GRIP2: variants seen among roughly 807,000 people sequenced by gnomAD.
GRIP2 encodes the protein glutamate receptor interacting protein 2.
A neutral mutation model predicts 108.3 loss-of-function variants in GRIP2; 58 were observed. The ratio of observed to expected loss-of-function variants is 0.54; its 90% CI spans 0.43 to 0.67. GRIP2 has a LOEUF of 0.67. Among genes scored for constraint, GRIP2 ranks in the 30% least tolerant of loss-of-function variants. The pLI is 0.00. For missense variants in GRIP2, 1,278 were observed against 1,430.6 expected, an observed-to-expected ratio of 0.89 and a Z score of 1.72; for synonymous variants, 586 against 598.2, an observed-to-expected ratio of 0.98 and a Z score of 0.30.
At chr3:14,495,080 C>CG in intron 22 of GRIP2, 91 bp from the exon 23 acceptor site, 1 of 1,507,074 alleles carries the variant, frequency 6.6e-7, no homozygotes, top group Non-Finnish European at 9.0e-7. Flanking sequence ...TGGCATTCAG[C>CG]GCCTCTGGCC....
chr3:14,563,973 C>T, the GRIP2 span, among the ~76,000 whole-genome samples: 1 of 152,182 alleles, frequency 6.6e-6, no homozygotes, highest in African/African-American at 2.4e-5. Flanking sequence ...TCCACCCTTA[C>T]CCATCTTCTG....
chr3:14,574,098 G>A, the GRIP2 span: 5 of 1,186,310 alleles, frequency 4.2e-6, no homozygotes, highest in South Asian at 2.4e-5. Flanking sequence ...CCACAGAATC[G>A]AGTCCATCGT....
intron 1 of GRIP2, among the ~76,000 whole-genome samples, chr3:14,534,618 A>C (rs1694790408): frequency 6.6e-6 from 1 of 151,974 alleles, no homozygotes; most frequent in Admixed American, 6.5e-5. Context: ...GCTTCAGAGG[A>C]AAATTCATTT....
upstream of GRIP2, chr3:14,540,377 TC>T: frequency 6.2e-7 from 1 of 1,610,286 alleles, no homozygotes; most frequent in Non-Finnish European, 8.5e-7. The surrounding 1 kb of genome is among the most constrained non-coding windows in gnomAD (Gnocchi z 4.1). Context: ...CTCCCTCCCC[TC>T]CCCAGGGAGG....
intron 5 of GRIP2, 61 bp downstream of exon 5, chr3:14,523,551 A>T: frequency 9.5e-7 from 1 of 1,051,192 alleles, no homozygotes; most frequent in Non-Finnish European, 1.5e-6. Flanking sequence ...CAGCACACAC[A>T]TGGAATTAGT....
the GRIP2 span, among the ~76,000 whole-genome samples, chr3:14,586,187 G>A: frequency 3.0e-4 from 45 of 152,234 alleles, no homozygotes; most frequent in Admixed American, 5.9e-4. Flanking sequence ...ACCTCCTCTA[G>A]AAGGCCCTCC....
At chr3:14,495,981 A>G (rs541397349) in intron 22 of GRIP2, among the ~76,000 whole-genome samples, 2 of 152,054 alleles carry the variant, frequency 1.3e-5, no homozygotes, top group African/African-American at 4.8e-5. Flanking sequence ...CCCTGTCTCT[A>G]AAAAAATACA....
chr3:14,496,536 G>A lies in GRIP2; in HGVS notation c.2704C>T (p.Gln902Ter). ...GGCCTGCCCTCGAGGGCCACCCTCT[G>A]CACGGTGCCCGTCATGATGGATGCC... is the stretch of plus-strand genomic sequence containing the variant. ...LEASIMTGTV[Q>*]RVALEGRPGH... The change falls in exon 22 of 24, where the codon CAG becomes TAG. Residue 902 changes from glutamine to a stop codon, truncating the protein, a stop_gained. Coordinates refer to ENST00000621039, the MANE Select transcript of GRIP2 (RefSeq NM_001080423.4). LOFTEE classifies it high-confidence loss of function. 6.2e-7 allele frequency: 1 copy of A among 1,610,468 alleles called. No individual in the cohort carries two copies. The highest frequency in any genetic ancestry group is 8.5e-7 in the Non-Finnish European group (1 of 1,178,246).
chr3:14,499,864 C>T (rs954920052), intron 21 of GRIP2, among the ~76,000 whole-genome samples: 6 of 152,064 alleles, frequency 3.9e-5, no homozygotes, highest in Non-Finnish European at 8.8e-5. Flanking sequence ...AATACACTAA[C>T]GTTAACAATA....
At chr3:14,574,830 T>C in the GRIP2 span, 7,624 of 334,522 alleles carry the variant, frequency 0.023, 554 homozygotes, top group African/African-American at 0.15. Context: ...AAAAAGAATG[T>C]GCAACATACA....
At chr3:14,584,039 G>A in the GRIP2 span, among the ~76,000 whole-genome samples, 1 of 152,324 alleles carries the variant, frequency 6.6e-6, no homozygotes, top group South Asian at 2.1e-4. Flanking sequence ...CAGCAACCCT[G>A]AAAGGTGGGC....
Position 14,520,426 on chromosome 3 carries a change from G to C in GRIP2, c.824C>G (p.Thr275Ser), listed in dbSNP as rs1220586686. ...TTSLRNKSVI[T>S]IDRIKPASVV... Reference sequence around the variant, plus strand: ...GCTGGCTGGCTTGATGCGGTCGATGGTAATGACTGACTTGTTCCGGAGGGA... The same window carrying C: ...GCTGGCTGGCTTGATGCGGTCGATGCTAATGACTGACTTGTTCCGGAGGGA... Residue 275 changes from threonine (T) to serine (S), a missense_variant, in exon 8 of 24, where the codon ACC becomes AGC. Transcript: ENST00000621039. 1.9e-6 allele frequency: 3 copies of C among 1,613,418 alleles called. No individual in the cohort carries two copies.
intron 17 of GRIP2, among the ~76,000 whole-genome samples, chr3:14,508,250 G>C (rs996165133): frequency 6.6e-6 from 1 of 152,228 alleles, no homozygotes; most frequent in African/African-American, 2.4e-5. Context: ...GGTGATGCCA[G>C]GCGGCAGCAC....
At chr3:14,595,582 TCA>T in the GRIP2 span, among the ~76,000 whole-genome samples, 1 of 152,222 alleles carries the variant, frequency 6.6e-6, no homozygotes, top group African/African-American at 2.4e-5. Context: ...CGGGGATCAC[TCA>T]CAGAGTTGGG....
chr3:14,569,502 A>G, the GRIP2 span, among the ~76,000 whole-genome samples: 41,923 of 152,114 alleles, frequency 0.28, 6,253 homozygotes, highest in Middle Eastern at 0.36. Context: ...GGATTGCCAG[A>G]GCCCTGCTGG....
intron 21 of GRIP2, among the ~76,000 whole-genome samples, chr3:14,498,526 C>T (rs1318018853): frequency 1.3e-5 from 2 of 151,956 alleles, no homozygotes; most frequent in Non-Finnish European, 2.9e-5. Flanking sequence ...GATAGGAAAC[C>T]GAGGGAGGAT....
At position 14,495,214 on chromosome 3, in the gene GRIP2, G is replaced by A. The variant is rs201504902; in HGVS notation, c.2824-225C>T. Among the ~76,000 whole-genome samples the A allele has an allele frequency of 9.3e-5, 14 of 151,170 alleles. No individual in the cohort carries two copies. The East Asian group carries it at 2.6e-3, about 28-fold the overall frequency. ...CCAGGCCACAACACTCAAGTACGAC[G>A]GAGCCCTTAGGAGTGACTTCCTTTC... On this transcript the variant is annotated intron_variant, in intron 22 of 23. Transcript: ENST00000621039.
At chr3:14,597,707 A>G in the GRIP2 span, among the ~76,000 whole-genome samples, 55 of 151,742 alleles carry the variant, frequency 3.6e-4, 2 homozygotes, top group Admixed American at 3.3e-3. Context: ...TTTACCCACA[A>G]AGCAAAAGCA....
At chr3:14,551,378 A>G (rs1027437542) in intron 1 of GRIP2, among the ~76,000 whole-genome samples, 3 of 152,220 alleles carry the variant, frequency 2.0e-5, no homozygotes, top group Non-Finnish European at 4.4e-5. Context: ...CGGTTGGGGC[A>G]TTCAGGGAGG....
Sources: allele counts gnomAD v4.1 joint callset (sites outside exome capture counted in the v4.1 genomes callset), GRCh38; gene constraint gnomAD v4.1.1; non-coding constraint Gnocchi (gnomAD v3.1); transcripts MANE v1.5; gene names NCBI Gene and HGNC (gene_info 2026-07-23, HGNC 2026-07-21).